Variants in PRKAR2B observed in about 807,000 individuals in gnomAD.
PRKAR2B encodes the protein cAMP-dependent protein kinase type II-beta regulatory subunit.
Under a neutral mutation model 49.9 loss-of-function variants are expected in PRKAR2B, and 14 were observed. That is an observed-to-expected ratio of 0.28 (90% CI 0.19 to 0.44). The LOEUF is 0.44. Ranked by LOEUF, PRKAR2B falls within the 20% of genes least tolerant of loss-of-function variation. The pLI is 1.00. For synonymous variants in PRKAR2B, 196 were observed against 197.7 expected (o/e 0.99, Z 0.07); for missense variants, 393 against 537.9 (o/e 0.73, Z 2.67).
intron 4 of PRKAR2B, among the ~76,000 whole-genome samples, chr7:107,131,162 C>T (rs747678837): frequency 1.3e-4 from 20 of 152,188 alleles, no homozygotes; most frequent in Non-Finnish European, 2.4e-4. Context: ...TGTTTGCATG[C>T]TTTCCTATTC....
At chr7:107,127,423 G>A (rs2115601756) in intron 3 of PRKAR2B, among the ~76,000 whole-genome samples, 1 of 152,342 alleles carries the variant, frequency 6.6e-6, no homozygotes, top group East Asian at 1.9e-4. Flanking sequence ...AGTCAGTTGA[G>A]CCTCCTGCTA....
intron 3 of PRKAR2B, among the ~76,000 whole-genome samples, chr7:107,127,591 T>C (rs1795520795): frequency 6.6e-6 from 1 of 152,250 alleles, no homozygotes; most frequent in Non-Finnish European, 1.5e-5. Context: ...GGACTCTTTT[T>C]CCCTGGAACA....
chr7:107,061,039 A>C (rs1420449300), intron 1 of PRKAR2B, among the ~76,000 whole-genome samples: 2 of 152,134 alleles, frequency 1.3e-5, no homozygotes, highest in African/African-American at 2.4e-5. Context: ...TTTATCTGTG[A>C]ATGTACAAAT....
At chr7:107,103,658 G>A (rs564096838) in intron 2 of PRKAR2B, among the ~76,000 whole-genome samples, 1 of 152,334 alleles carries the variant, frequency 6.6e-6, no homozygotes, top group East Asian at 1.9e-4. Flanking sequence ...ACGTGTAATT[G>A]TTATGACATG....
At position 107,141,029 on chromosome 7, in the gene PRKAR2B, G is replaced by A. The variant is rs540592609; in HGVS notation, c.587+76G>A. On this transcript the variant is annotated intron_variant, in intron 5 of 10. Coordinates refer to ENST00000265717, the MANE Select transcript of PRKAR2B (RefSeq NM_002736.3). The stretch of plus-strand genomic sequence containing the variant: ...AATCTCAACCATTATTACGGCAACT[G>A]ACAGGTTAATATAGGATAGTTGTTA... 1.1e-4 allele frequency: 119 copies of A among 1,069,792 alleles called. No homozygotes were observed. The African/African-American group carries it at 1.8e-3, about 16-fold the overall frequency. 66.3% of individuals were successfully genotyped at this position (1,069,792 alleles called of 1,614,324 possible).
At chr7:107,145,743 T>C (rs1427053513) in intron 5 of PRKAR2B, among the ~76,000 whole-genome samples, 2 of 148,452 alleles carry the variant, frequency 1.3e-5, no homozygotes, top group Non-Finnish European at 3.0e-5. Context: ...ATTTTTTTTT[T>C]TTTTTTTTTT....
intron 1 of PRKAR2B, among the ~76,000 whole-genome samples, chr7:107,061,131 T>G (rs1794018981): frequency 6.6e-6 from 1 of 152,166 alleles, no homozygotes; most frequent in Non-Finnish European, 1.5e-5. Flanking sequence ...CTCTTTCCCT[T>G]AATTAATGTG....
At chr7:107,064,939 C>A (rs142509657) in intron 1 of PRKAR2B, among the ~76,000 whole-genome samples, 2 of 152,224 alleles carry the variant, frequency 1.3e-5, no homozygotes, top group East Asian at 3.9e-4. Flanking sequence ...TTGCTGTTGA[C>A]CTTTTAAAAA....
intron 2 of PRKAR2B, among the ~76,000 whole-genome samples, chr7:107,071,938 G>C (rs960260558): frequency 4.6e-5 from 7 of 151,584 alleles, no homozygotes; most frequent in Non-Finnish European, 1.0e-4. Context: ...GCGTGGTGGC[G>C]GGCACCTGTA....
At chr7:107,108,856 G>T (rs1330745858) in intron 2 of PRKAR2B, among the ~76,000 whole-genome samples, 2 of 152,118 alleles carry the variant, frequency 1.3e-5, no homozygotes, top group African/African-American at 4.8e-5. Context: ...CAGAATTGGG[G>T]CTCACCCTGG....
intron 2 of PRKAR2B, among the ~76,000 whole-genome samples, chr7:107,081,534 A>G (rs1418838046): frequency 1.3e-5 from 2 of 151,932 alleles, no homozygotes; most frequent in South Asian, 4.2e-4. Context: ...GTTTTCTGAT[A>G]TTTTAAAAGT....
intron 2 of PRKAR2B, among the ~76,000 whole-genome samples, chr7:107,101,823 A>G (rs1396143361): frequency 6.6e-6 from 1 of 150,560 alleles, no homozygotes; most frequent in Non-Finnish European, 1.5e-5. Flanking sequence ...TATTTTTATG[A>G]ATAAATTCTT....
chr7:107,101,182 T>G lies in PRKAR2B; in HGVS notation c.344-20770T>G, dbSNP rs1034318838. ...TTGTAGCTTGTCTACTAAATCTGTA[T>G]GCTCTGTCTTTGCCATGGTATGTGG... On this transcript the variant is annotated intron_variant, in intron 2 of 10. Coordinates refer to ENST00000265717, the MANE Select transcript of PRKAR2B (RefSeq NM_002736.3). 6.0e-5 allele frequency among the ~76,000 whole-genome samples: 9 copies of G among 148,950 alleles called. No individual in the cohort carries two copies. The Admixed American group carries it at 6.1e-4, about 10-fold the overall frequency.
chr7:107,134,790 C>G (rs1012823119), intron 4 of PRKAR2B, among the ~76,000 whole-genome samples: 1 of 152,060 alleles, frequency 6.6e-6, no homozygotes, highest in Non-Finnish European at 1.5e-5. Context: ...TATCCACACA[C>G]AAAACAACAA....
At position 107,137,746 on chromosome 7, in the gene PRKAR2B, C is replaced by T. The variant is rs539802523; in HGVS notation, c.481-3101C>T. Reference sequence around the variant, plus strand: ...AACATTTGTATCTTTTTGAATCTGGCGAGTGAAAAGTGGCATCTCATTTCG... The same window carrying T: ...AACATTTGTATCTTTTTGAATCTGGTGAGTGAAAAGTGGCATCTCATTTCG... On this transcript the variant is annotated intron_variant, in intron 4 of 10. Coordinates refer to ENST00000265717, the MANE Select transcript of PRKAR2B (RefSeq NM_002736.3). Among the ~76,000 whole-genome samples, 14 of 152,208 alleles carry T rather than the reference C, an allele frequency of 9.2e-5. No homozygotes were observed. The South Asian group carries it at 2.9e-3, about 32-fold the overall frequency.
At chr7:107,120,439 A>G (rs1387815103) in intron 2 of PRKAR2B, among the ~76,000 whole-genome samples, 2 of 151,998 alleles carry the variant, frequency 1.3e-5, no homozygotes, top group East Asian at 1.9e-4. Context: ...TTTATGATAT[A>G]ATAATAATAA....
intron 2 of PRKAR2B, among the ~76,000 whole-genome samples, chr7:107,070,733 T>TTTTG (rs947635996): frequency 1.5e-4 from 23 of 152,262 alleles, no homozygotes; most frequent in Middle Eastern, 3.4e-3. Flanking sequence ...GTGAGTGTTT[T>TTTTG]TTTGTTTGTT....
At chr7:107,132,242 C>T (rs1795615808) in intron 4 of PRKAR2B, among the ~76,000 whole-genome samples, 1 of 152,148 alleles carries the variant, frequency 6.6e-6, no homozygotes, top group Admixed American at 6.6e-5. Flanking sequence ...TGATGGATGG[C>T]CTCCATCTAG....
At chr7:107,064,369 G>A (rs779175892) in intron 1 of PRKAR2B, among the ~76,000 whole-genome samples, 1 of 152,156 alleles carries the variant, frequency 6.6e-6, no homozygotes, top group Non-Finnish European at 1.5e-5. Flanking sequence ...AGTCTTTGAA[G>A]TTGGCACTTT....
Sources: gnomAD v4.1 joint callset for allele counts (sites outside exome capture counted in the v4.1 genomes callset) on GRCh38, gnomAD v4.1.1 for gene constraint, MANE v1.5 for transcripts, NCBI Gene and HGNC (gene_info 2026-07-23, HGNC 2026-07-21) for gene names.